The following MYH13 variants were observed in gnomAD, a reference collection of about 807,000 sequenced individuals.
The protein encoded by MYH13 is myosin heavy chain 13, also known as myosin-13.
Under a neutral mutation model 232.1 loss-of-function variants are expected in MYH13, and 177 were observed. The observed-to-expected ratio is 0.76, with a 90% CI of 0.67 to 0.86. The LOEUF is 0.86. Among genes scored for constraint, MYH13 ranks in the 40% least tolerant of loss-of-function variants. The pLI is 0.00. For missense variants in MYH13, 2,246 were observed against 2,405.9 expected (o/e 0.93, Z 1.39); for synonymous variants, 884 against 923.5 (o/e 0.96, Z 0.78).
rs1458348719 is a variant in MYH13, at chr17:10,333,057, G to A, written c.2174+17C>T. On this transcript the variant is annotated intron_variant, in intron 19 of 40. Coordinates refer to ENST00000252172, the MANE Select transcript of MYH13 (RefSeq NM_003802.3). ...GCCCTCGGAAGGAGAGAGATGCACA[G>A]GAGAGAGGGAACCTACCGCTGCTTG... 6.6e-7 allele frequency: 1 copy of A among 1,518,566 alleles called. No homozygotes were observed. The highest frequency in any genetic ancestry group is 1.4e-5 in the African/African-American group (1 of 72,476). The allele number at this position is 1,518,566 out of a possible 1,614,324, so 94.1% of individuals were successfully genotyped here.
Position 10,309,447 on chromosome 17 carries a change from A to G in MYH13, c.4966-10T>C. The G allele has an allele frequency of 6.3e-7, 1 of 1,599,804 alleles. No individual in the cohort carries two copies. The highest frequency in any genetic ancestry group is 2.3e-5 in the East Asian group (1 of 44,252). On this transcript the variant is annotated splice_polypyrimidine_tract_variant and intron_variant, in intron 34 of 40. Coordinates refer to ENST00000252172, the MANE Select transcript of MYH13 (RefSeq NM_003802.3). Reference sequence around the variant, plus strand: ...GATGCAGCTGGGAGTCCTGCAGGGGAGACCCAGAGTGAGGCCAGAGCCGCC... The same window carrying G: ...GATGCAGCTGGGAGTCCTGCAGGGGGGACCCAGAGTGAGGCCAGAGCCGCC...
chr17:10,362,365 T>C lies in MYH13; in HGVS notation c.343A>G (p.Ile115Val), dbSNP rs761158793. The change falls in exon 4 of 41, where the codon ATC becomes GTC. Residue 115 changes from isoleucine to valine, a missense_variant. Ile to Val is a conservative substitution (Grantham distance 29, BLOSUM62 3). Coordinates refer to ENST00000252172, the MANE Select transcript of MYH13 (RefSeq NM_003802.3). Reference sequence around the variant, plus strand: ...AGGTGTTTACAGACACTCACGTAGATCATCCAGGCTGCATAGCGCTCTTTG... The same window carrying C: ...AGGTGTTTACAGACACTCACGTAGACCATCCAGGCTGCATAGCGCTCTTTG... Reference protein sequence around the residue: ...NLKERYAAWMIYTYSGLFCVT... With the variant: ...NLKERYAAWMVYTYSGLFCVT... 6.2e-7 allele frequency: 1 copy of C among 1,614,050 alleles called. No homozygotes were observed. The highest frequency in any genetic ancestry group is 1.3e-5 in the African/African-American group (1 of 74,908).
At position 10,309,423 on chromosome 17, in the gene MYH13, A is replaced by ACCCAGAG. The variant is rs1221962753; in HGVS notation, c.4979_4980insCTCTGGG (p.Leu1661SerfsTer5). The ACCCAGAG allele has an allele frequency of 6.2e-7, 1 of 1,604,122 alleles. No homozygotes were observed. Among genetic ancestry groups the ACCCAGAG allele is most frequent in the East Asian group, 2.2e-5 (1 of 44,446 alleles). On this transcript the variant is annotated frameshift_variant, in exon 35 of 41. Transcript: ENST00000252172. LOFTEE classifies it high-confidence loss of function. ...CATTGCTCCTCAGGGCGTCATCGAG[A>ACCCAGAG]TGCAGCTGGGAGTCCTGCAGGGGAG...
At chr17:10,330,569 G>A (rs938525367) in intron 20 of MYH13, 46 bp from the exon 21 acceptor site, 18 of 1,563,104 alleles carry the variant, frequency 1.2e-5, no homozygotes, top group African/African-American at 1.4e-5. Context: ...CCCAGCAGGC[G>A]TTCAGCCGGG....
At position 10,362,249 on chromosome 17, in the gene MYH13, G is replaced by A. The variant is rs768024485; in HGVS notation, c.374C>T (p.Thr125Ile). 6.2e-7 allele frequency: 1 copy of A among 1,613,742 alleles called. No homozygotes were observed. Among genetic ancestry groups the A allele is most frequent in the African/African-American group, 1.3e-5 (1 of 75,028 alleles). ...CGGCAGCCACTTGTAGGGGTTGACG[G>A]TGACACAGAAGAGGCCTGAGTAGGT... is the stretch of plus-strand genomic sequence containing the variant. ...IYTYSGLFCV[T>I]VNPYKWLPVY... Residue 125 changes from threonine (T) to isoleucine (I), a missense_variant, in exon 5 of 41, where the codon ACC becomes ATC. Coordinates refer to ENST00000252172, the MANE Select transcript of MYH13 (RefSeq NM_003802.3).
Position 10,304,016 on chromosome 17 carries a change from A to C in MYH13, c.5467-518T>G, listed in dbSNP as rs1186761600. Reference sequence around the variant, plus strand: ...AACCATCATTCTCAGCAAACTAAGGAACAGAAAACCAAACACCACATATTC... The same window carrying C: ...AACCATCATTCTCAGCAAACTAAGGCACAGAAAACCAAACACCACATATTC... On this transcript the variant is annotated intron_variant, in intron 37 of 40. Coordinates refer to ENST00000252172, the MANE Select transcript of MYH13 (RefSeq NM_003802.3). This position sits in a 1 kb window ranked among gnomAD's most constrained non-coding sequence, Gnocchi z 5.3. Among the ~76,000 whole-genome samples the C allele has an allele frequency of 6.6e-6, 1 of 152,116 alleles. No individual in the cohort carries two copies. The highest frequency in any genetic ancestry group is 2.4e-5 in the African/African-American group (1 of 41,418).
intron 40 of MYH13, 60 bp from the exon 41 acceptor site, chr17:10,301,025 A>T: frequency 6.8e-7 from 1 of 1,470,032 alleles, no homozygotes; most frequent in Non-Finnish European, 9.5e-7. Flanking sequence ...GAGACTGAAC[A>T]TCATCTTGAA....
chr17:10,344,238 A>G, intron 15 of MYH13, 129 bp from the exon 16 acceptor site: 4 of 1,353,350 alleles, frequency 3.0e-6, no homozygotes, highest in Non-Finnish European at 4.0e-6. Context: ...GCTCGGTGAG[A>G]GCAAGACTCT....
chr17:10,350,749 C>A (rs750626344), intron 11 of MYH13, 55 bp from the exon 12 acceptor site: 41 of 1,607,600 alleles, frequency 2.6e-5, no homozygotes, highest in Non-Finnish European at 3.5e-5. Flanking sequence ...CCATATGCAG[C>A]CTTTTCTTGG....
chr17:10,361,293 T>C (rs1366649784), intron 5 of MYH13, among the ~76,000 whole-genome samples: 1 of 83,054 alleles, frequency 1.2e-5, no homozygotes, highest in African/African-American at 5.4e-5. Flanking sequence ...TGCTAGACTC[T>C]TTTTTTTTTT....
chr17:10,370,052 C>G (rs1330314340), intron 2 of MYH13, among the ~76,000 whole-genome samples: 2 of 152,188 alleles, frequency 1.3e-5, no homozygotes, highest in African/African-American at 2.4e-5. Flanking sequence ...AATCCCTTAC[C>G]ATCTCAGTCA....
intron 5 of MYH13, among the ~76,000 whole-genome samples, 193 bp from the exon 6 acceptor site, chr17:10,360,381 A>G (rs997307659): frequency 6.6e-6 from 1 of 152,234 alleles, no homozygotes; most frequent in African/African-American, 2.4e-5. Context: ...GATGTGCAAC[A>G]TGACCAGCCT....
chr17:10,362,173 C>T lies in MYH13; in HGVS notation c.450G>A (p.Glu150=), dbSNP rs760484840. The change falls in exon 5 of 41, where the codon GAG becomes GAA. Residue 150 remains glutamate, a synonymous_variant. Coordinates refer to ENST00000252172, the MANE Select transcript of MYH13 (RefSeq NM_003802.3). ...VAAYRGKKRQ[E]APPHIFSISD... is the part of the protein sequence containing the mutation. ...AGATGGAGAAGATGTGGGGCGGGGC[C>T]TCCTGGCGCTTTTTGCCTCTGTAGG... 5 of 1,613,960 alleles carry T rather than the reference C, an allele frequency of 3.1e-6. No homozygotes were observed. Among genetic ancestry groups the T allele is most frequent in the Non-Finnish European group, 4.2e-6 (5 of 1,179,888 alleles).
chr17:10,361,501 C>A (rs1312342403), intron 5 of MYH13, among the ~76,000 whole-genome samples: 1 of 152,072 alleles, frequency 6.6e-6, no homozygotes, highest in African/African-American at 2.4e-5. Flanking sequence ...ATCATGTTGG[C>A]CAGGCTGGCC....
At chr17:10,353,676 C>T (rs1310921546) in intron 11 of MYH13, among the ~76,000 whole-genome samples, 3 of 151,978 alleles carry the variant, frequency 2.0e-5, no homozygotes, top group African/African-American at 7.3e-5. Flanking sequence ...ACCAGCCTGG[C>T]CAACATGGCG....
At chr17:10,361,269 G>A (rs1394717966) in intron 5 of MYH13, among the ~76,000 whole-genome samples, 1 of 151,518 alleles carries the variant, frequency 6.6e-6, no homozygotes, top group Non-Finnish European at 1.5e-5. Flanking sequence ...GCATCTACAG[G>A]TCTCAGATTC....
chr17:10,346,292 C>T (rs973183078), intron 13 of MYH13, among the ~76,000 whole-genome samples: 1 of 152,166 alleles, frequency 6.6e-6, no homozygotes, highest in Non-Finnish European at 1.5e-5. Flanking sequence ...AGACACTGGT[C>T]TCAGTCTCAG....
chr17:10,321,635 A>G lies in MYH13; in HGVS notation c.3008T>C (p.Leu1003Pro). The change falls in exon 24 of 41, where the codon CTA (leucine) becomes CCA (proline). Residue 1003 changes from leucine to proline, a missense_variant. By Grantham distance (98) the Leu-to-Pro change is moderately conservative (BLOSUM62 -3). Transcript: ENST00000252172. ...ISKLTKEKKS[L>P]QEAHQQTLDD... ...CAGTGTTTGCTGATGGGCCTCCTGT[A>G]GAGATTTCTTTTCTTTGGTCAATTT... 1.9e-6 allele frequency: 3 copies of G among 1,613,612 alleles called. No homozygotes were observed. The highest frequency in any genetic ancestry group is 1.1e-5 in the South Asian group (1 of 91,056).
chr17:10,352,679 G>GACTT (rs1265049696), intron 11 of MYH13, among the ~76,000 whole-genome samples: 1 of 152,188 alleles, frequency 6.6e-6, no homozygotes, highest in African/African-American at 2.4e-5. Flanking sequence ...GTGAGGACAT[G>GACTT]ACTTAGGTAA....
Sources: gnomAD v4.1 joint callset for allele counts (sites outside exome capture counted in the v4.1 genomes callset) on GRCh38, gnomAD v4.1.1 for gene constraint, Gnocchi (gnomAD v3.1) non-coding constraint, MANE v1.5 for transcripts, NCBI Gene and HGNC (gene_info 2026-07-23, HGNC 2026-07-21) for gene names.